The following DCBLD2 variants were observed in gnomAD, a reference collection of about 807,000 sequenced individuals.
DCBLD2 encodes the protein discoidin, CUB and LCCL domain containing 2, also known as discoidin, CUB and LCCL domain-containing protein 2.
DCBLD2 carries 54 observed loss-of-function variants against 86.8 expected under a neutral mutation model. The ratio of observed to expected loss-of-function variants is 0.62; its 90% confidence interval spans 0.50 to 0.78. DCBLD2 has a LOEUF of 0.78. Ranked by LOEUF, DCBLD2 falls within the 30% of genes least tolerant of loss-of-function variation. The pLI is 0.00. For synonymous variants in DCBLD2, 354 were observed against 341.3 expected (o/e 1.04, Z -0.41); for missense variants, 908 against 954.2 (o/e 0.95, Z 0.64).
intron 2 of DCBLD2, among the ~76,000 whole-genome samples, chr3:98,869,945 T>C (rs1015949066): frequency 6.6e-6 from 1 of 152,256 alleles, no homozygotes; most frequent in Non-Finnish European, 1.5e-5. Context: ...TAATGTCTTT[T>C]GTTTCCAAAG....
At chr3:98,799,902 G>T in intron 15 of DCBLD2, 61 bp from the exon 16 acceptor site, 1 of 1,386,790 alleles carries the variant, frequency 7.2e-7, no homozygotes. Flanking sequence ...GCATAATTTA[G>T]GGTGGCAGCT....
chr3:98,872,396 C>T (rs933869548), intron 2 of DCBLD2, among the ~76,000 whole-genome samples: 7 of 152,174 alleles, frequency 4.6e-5, no homozygotes, highest in African/African-American at 1.7e-4. Flanking sequence ...AAGCCCCTTT[C>T]CCTTCCAGTT....
chr3:98,900,346 T>C lies in DCBLD2; in HGVS notation c.205+776A>G, dbSNP rs147321631. Among the ~76,000 whole-genome samples the C allele has an allele frequency of 6.9e-4, 105 of 152,312 alleles. 1 individual carries two copies. The highest frequency in any genetic ancestry group is 4.7e-4 in the Non-Finnish European group (32 of 68,032). The stretch of plus-strand genomic sequence containing the variant: ...ACTGATGCCAAACTGATTCAAAAAG[T>C]GTGGTACACTACGGGAAAACAGTAC... On this transcript the variant is annotated intron_variant, in intron 1 of 15. Coordinates refer to ENST00000326840, the MANE Select transcript of DCBLD2 (RefSeq NM_080927.4).
chr3:98,820,579 A>G (rs138549615), intron 6 of DCBLD2, among the ~76,000 whole-genome samples: 7 of 152,262 alleles, frequency 4.6e-5, no homozygotes, highest in Non-Finnish European at 1.0e-4. Context: ...CTTCTTTTTC[A>G]TATGTATTTA....
Position 98,901,544 on chromosome 3 carries a change from G to A in DCBLD2, c.-218C>T, listed in dbSNP as rs1252086085. The A allele has an allele frequency of 5.2e-6, 2 of 383,918 alleles. No individual in the cohort carries two copies. Among genetic ancestry groups the A allele is most frequent in the Non-Finnish European group, 8.8e-6 (2 of 226,640 alleles). 23.8% of individuals were successfully genotyped at this position (383,918 alleles called of 1,614,324 possible). ...CCCCGCGCCGAGACCCCAGGCCGGA[G>A]CGCAGGGGAGGGGAGGGAAGGAAGC... On this transcript the variant is annotated 5_prime_UTR_variant, in exon 1 of 16. Transcript: ENST00000326840.
In DCBLD2 at chr3:98,819,587, T is replaced by C. The variant is rs1375666416; in HGVS notation, c.872-170A>G. Among the ~76,000 whole-genome samples, 3 of 152,210 alleles carry C rather than the reference T, an allele frequency of 2.0e-5. No homozygotes were observed. The East Asian group carries it at 5.8e-4, about 29-fold the overall frequency. On this transcript the variant is annotated intron_variant, in intron 7 of 15. Transcript: ENST00000326840. ...GCAAGTGTTTCTTGGGCATATGTCT[T>C]TGTGTATCATTAGGAAACCTACAAA...
intron 3 of DCBLD2, among the ~76,000 whole-genome samples, chr3:98,830,141 T>C (rs1420447623): frequency 1.3e-5 from 2 of 151,762 alleles, no homozygotes; most frequent in East Asian, 3.9e-4. Context: ...TATCAGACCT[T>C]TGCCAGATCC....
intron 3 of DCBLD2, among the ~76,000 whole-genome samples, chr3:98,829,948 G>T (rs1443623652): frequency 6.6e-6 from 1 of 152,146 alleles, no homozygotes. Context: ...ACTGGTATGA[G>T]ATGGTATCTC....
At chr3:98,845,409 C>T (rs1416822459) in intron 3 of DCBLD2, among the ~76,000 whole-genome samples, 2 of 152,094 alleles carry the variant, frequency 1.3e-5, no homozygotes, top group African/African-American at 4.8e-5. Context: ...TCTAATTCAT[C>T]GAAATGTTCC....
intron 1 of DCBLD2, chr3:98,895,128 A>C (rs1331320989): frequency 2.6e-5 from 4 of 152,196 alleles, no homozygotes; most frequent in Admixed American, 6.5e-5. Context: ...GAAGAATAAA[A>C]TTAGCTCAGT....
chr3:98,838,113 T>C, intron 3 of DCBLD2, among the ~76,000 whole-genome samples: 1 of 127,698 alleles, frequency 7.8e-6, no homozygotes, highest in African/African-American at 2.9e-5. Flanking sequence ...CCCACCTCCC[T>C]CCCGGATGGG....
chr3:98,799,983 T>C (rs571802835), intron 15 of DCBLD2, 142 bp from the exon 16 acceptor site: 29 of 695,456 alleles, frequency 4.2e-5, no homozygotes, highest in Middle Eastern at 4.1e-4. Flanking sequence ...TGTAAGAACT[T>C]TGAAAATTAA....
chr3:98,900,919 A>G (rs1176733713), intron 1 of DCBLD2: 1 of 928,288 alleles, frequency 1.1e-6, no homozygotes, highest in Non-Finnish European at 1.6e-6. Flanking sequence ...TGGCCTTGCC[A>G]AAAAGTAAAG....
chr3:98,820,286 C>T lies in DCBLD2; in HGVS notation c.833G>A (p.Gly278Glu), dbSNP rs764300982. 3 of 1,466,756 alleles carry T rather than the reference C, an allele frequency of 2.0e-6. No individual in the cohort carries two copies. In the South Asian group the frequency reaches 5.1e-5, roughly 25 times the overall value. 90.9% of individuals were successfully genotyped at this position (1,466,756 alleles called of 1,614,324 possible). ...TGTAAAAAGACTTGTAGATAAGTGT[C>T]CCCTGAAAGAGAGAAGGGTTTTTTT... ...SLANNVTSVV[G>E]HLSTSLFTFK... Residue 278 changes from glycine (G) to glutamate (E), a missense_variant and splice_region_variant, in exon 7 of 16, where the codon GGA becomes GAA. Physicochemically the swap from Gly to Glu is moderately conservative, Grantham distance 98 (BLOSUM62 -2). This residue lies in a region of DCBLD2 where 606 missense variants were observed against 678.5 expected (regional missense o/e 0.89). Coordinates refer to ENST00000326840, the MANE Select transcript of DCBLD2 (RefSeq NM_080927.4).
At chr3:98,809,992 A>G (rs1487281728) in intron 12 of DCBLD2, among the ~76,000 whole-genome samples, 2 of 152,192 alleles carry the variant, frequency 1.3e-5, no homozygotes, top group African/African-American at 4.8e-5. Flanking sequence ...TAGGTTCAAA[A>G]AATAAATTTA....
chr3:98,866,685 T>A (rs1415431612), intron 2 of DCBLD2, among the ~76,000 whole-genome samples: 1 of 152,232 alleles, frequency 6.6e-6, no homozygotes, highest in East Asian at 1.9e-4. Flanking sequence ...TAGTTTCTTT[T>A]GCTGTGCAGA....
intron 2 of DCBLD2, among the ~76,000 whole-genome samples, chr3:98,849,887 C>G (rs1942802348): frequency 1.1e-4 from 1 of 9,340 alleles, no homozygotes; most frequent in Non-Finnish European, 1.4e-3. Context: ...TAATGAGGGA[C>G]TAAAAAAAAA....
At chr3:98,851,129 C>T in intron 2 of DCBLD2, among the ~76,000 whole-genome samples, 1 of 152,140 alleles carries the variant, frequency 6.6e-6, no homozygotes, top group Non-Finnish European at 1.5e-5. Context: ...AAAGGGTATT[C>T]AAACAGGAAG....
chr3:98,897,055 T>G (rs1297946496), intron 1 of DCBLD2, among the ~76,000 whole-genome samples: 1 of 152,224 alleles, frequency 6.6e-6, no homozygotes. Context: ...ACATGATCTA[T>G]TAACTTTTGG....
Sources: allele counts gnomAD v4.1 joint callset (sites outside exome capture counted in the v4.1 genomes callset), GRCh38; gene constraint gnomAD v4.1.1; regional missense constraint gnomAD v4.1.1; transcripts MANE v1.5; gene names NCBI Gene and HGNC (gene_info 2026-07-23, HGNC 2026-07-21).